Variants in SPAG16 observed in about 807,000 individuals in gnomAD.
SPAG16 encodes sperm-associated antigen 16 protein.
A neutral mutation model predicts 80.4 loss-of-function variants in SPAG16; 86 were observed. The ratio of observed to expected loss-of-function variants is 1.07; its 90% CI spans 0.90 to 1.28. The LOEUF (loss-of-function observed/expected upper bound fraction) is 1.28. SPAG16 is among the 50% of genes most tolerant of loss of function. SPAG16 has a pLI of 0.00. For synonymous variants in SPAG16, 294 were observed against 265.9 expected (o/e 1.11, Z -1.03); for missense variants, 870 against 765.3 (o/e 1.14, Z -1.61).
intron 10 of SPAG16, among the ~76,000 whole-genome samples, chr2:213,580,845 T>A (rs1016436283): frequency 1.3e-5 from 2 of 152,146 alleles, no homozygotes; most frequent in Admixed American, 6.6e-5. Context: ...GTCAGACATT[T>A]ATTTACATGC....
chr2:213,979,348 A>G (rs138883697), intron 12 of SPAG16, among the ~76,000 whole-genome samples: 1 of 152,214 alleles, frequency 6.6e-6, no homozygotes, highest in Non-Finnish European at 1.5e-5. Context: ...CATTACCAAG[A>G]CAATTGAAAC....
intron 15 of SPAG16, among the ~76,000 whole-genome samples, chr2:214,282,952 G>A (rs1156415664): frequency 6.6e-6 from 1 of 152,010 alleles, no homozygotes; most frequent in East Asian, 1.9e-4. Flanking sequence ...AGACAAAAAG[G>A]ATCACAGCAG....
intron 13 of SPAG16, among the ~76,000 whole-genome samples, chr2:214,042,179 G>A (rs572694613): frequency 1.3e-5 from 2 of 150,352 alleles, no homozygotes; most frequent in African/African-American, 2.4e-5. Flanking sequence ...TCTATCTCCT[G>A]GGTTCGTGGG....
intron 15 of SPAG16, among the ~76,000 whole-genome samples, chr2:214,358,757 G>C (rs1439615469): frequency 6.6e-6 from 1 of 151,840 alleles, no homozygotes; most frequent in East Asian, 1.9e-4. Flanking sequence ...GGGTTGAGGG[G>C]CACACAGTTA....
At chr2:214,041,456 T>TC in intron 13 of SPAG16, among the ~76,000 whole-genome samples, 1 of 151,586 alleles carries the variant, frequency 6.6e-6, no homozygotes, top group East Asian at 1.9e-4. Flanking sequence ...TAGTTTCTTT[T>TC]TTTTTTTTAA....
intron 15 of SPAG16, among the ~76,000 whole-genome samples, chr2:214,316,649 A>C (rs1258792407): frequency 6.6e-6 from 1 of 152,122 alleles, no homozygotes; most frequent in Admixed American, 6.5e-5. Flanking sequence ...TTCTATATTA[A>C]ATTCTATAAC....
intron 9 of SPAG16, among the ~76,000 whole-genome samples, chr2:213,417,429 C>G (rs2069323552): frequency 6.6e-6 from 1 of 152,194 alleles, no homozygotes; most frequent in Non-Finnish European, 1.5e-5. Flanking sequence ...TACTTTTGTA[C>G]AACATGCAGG....
chr2:214,017,448 C>G (rs1490578894), intron 13 of SPAG16, among the ~76,000 whole-genome samples: 1 of 152,024 alleles, frequency 6.6e-6, no homozygotes, highest in Non-Finnish European at 1.5e-5. Context: ...GTTTTTTTCT[C>G]TCTCTCTCAA....
At chr2:213,598,679 A>G (rs552856599) in intron 10 of SPAG16, among the ~76,000 whole-genome samples, 2 of 152,164 alleles carry the variant, frequency 1.3e-5, no homozygotes, top group Admixed American at 6.5e-5. Context: ...TCAAGGTCTC[A>G]AATTAAATAA....
chr2:214,346,616 A>G (rs6745897), intron 15 of SPAG16, among the ~76,000 whole-genome samples: 66,944 of 152,014 alleles, frequency 0.44, 19,296 homozygotes, highest in African/African-American at 0.82. Context: ...GTGACCTGGG[A>G]CTAGGTCATA....
At chr2:214,052,936 G>A (rs145903908) in intron 13 of SPAG16, among the ~76,000 whole-genome samples, 118 of 152,278 alleles carry the variant, frequency 7.7e-4, no homozygotes, top group African/African-American at 2.6e-3. Flanking sequence ...AACTGAAAAC[G>A]TCTTCTCTAG....
At chr2:214,241,667 T>A (rs114293946) in intron 15 of SPAG16, among the ~76,000 whole-genome samples, 3,866 of 152,310 alleles carry the variant, frequency 0.025, 62 homozygotes, top group Non-Finnish European at 0.039. Flanking sequence ...TTTCTATCAA[T>A]CTAAAACTGC....
chr2:213,352,770 A>G (rs2065404411), intron 7 of SPAG16, among the ~76,000 whole-genome samples: 1 of 152,238 alleles, frequency 6.6e-6, no homozygotes. Flanking sequence ...TTTGCACACT[A>G]CTGTTCAGAT....
intron 9 of SPAG16, among the ~76,000 whole-genome samples, chr2:213,406,071 G>A (rs1385972364): frequency 2.6e-5 from 4 of 152,206 alleles, no homozygotes; most frequent in African/African-American, 7.2e-5. Context: ...GCATCTTTAA[G>A]CTGATAGTGG....
At position 214,162,858 on chromosome 2, in the gene SPAG16, A is replaced by G. The variant is rs150732740; in HGVS notation, c.1720+13592A>G. 7.0e-3 allele frequency among the ~76,000 whole-genome samples: 1,065 copies of G among 152,226 alleles called. 7 individuals carry two copies. The highest frequency in any genetic ancestry group is 0.011 in the Non-Finnish European group (733 of 67,982). ...ATTTCAAACTGTATTTCAATCTGTT[A>G]GAGAACATGATCTGCATTAAGTTCA... On this transcript the variant is annotated intron_variant, in intron 15 of 15. Coordinates refer to ENST00000331683, the MANE Select transcript of SPAG16 (RefSeq NM_024532.5).
At chr2:213,480,658 T>C (rs569297354) in intron 9 of SPAG16, among the ~76,000 whole-genome samples, 64 of 152,214 alleles carry the variant, frequency 4.2e-4, no homozygotes, top group Non-Finnish European at 7.8e-4. Context: ...AGTGATCACT[T>C]GTGTCATCAT....
chr2:213,455,660 A>C (rs536235128), intron 9 of SPAG16, among the ~76,000 whole-genome samples: 55 of 152,294 alleles, frequency 3.6e-4, no homozygotes, highest in African/African-American at 1.2e-3. Flanking sequence ...GAATCTTATA[A>C]GGAGCTTGCA....
At chr2:214,088,987 A>C (rs556914138) in intron 13 of SPAG16, among the ~76,000 whole-genome samples, 5 of 152,326 alleles carry the variant, frequency 3.3e-5, no homozygotes, top group Admixed American at 6.5e-5. Flanking sequence ...TAAATCCTGC[A>C]GTATATTGAA....
chr2:213,324,433 C>T (rs1426607021), intron 5 of SPAG16, among the ~76,000 whole-genome samples: 1 of 152,116 alleles, frequency 6.6e-6, no homozygotes, highest in African/African-American at 2.4e-5. Flanking sequence ...CTCAGTCATT[C>T]TCTGTCCCAG....
Sources: gnomAD v4.1 joint callset for allele counts (sites outside exome capture counted in the v4.1 genomes callset) on GRCh38, gnomAD v4.1.1 for gene constraint, MANE v1.5 for transcripts, NCBI Gene and HGNC (gene_info 2026-07-23, HGNC 2026-07-21) for gene names.